Variants in NOL7 observed in about 807,000 individuals in gnomAD.
NOL7 encodes the protein nucleolar protein 7, also known as U3 small nucleolar RNA-associated protein NOL7.
NOL7 carries 36 observed loss-of-function variants against 38.4 expected under a neutral mutation model. The ratio of observed to expected loss-of-function variants is 0.94; its 90% confidence interval spans 0.72 to 1.24. NOL7 has a LOEUF of 1.24. NOL7 is among the 50% of genes most tolerant of loss of function. The pLI is 0.00. For missense variants in NOL7, 350 were observed against 315.1 expected (o/e 1.11, Z -0.84); for synonymous variants, 142 against 126.5 (o/e 1.12, Z -0.82).
chr6:13,617,384 C>G (rs1163063433), intron 3 of NOL7, among the ~76,000 whole-genome samples: 1 of 152,232 alleles, frequency 6.6e-6, no homozygotes, highest in Non-Finnish European at 1.5e-5. Flanking sequence ...TCTCCTGTGC[C>G]TAAACTATTA....
intron 3 of NOL7, among the ~76,000 whole-genome samples, chr6:13,617,539 C>CTAA (rs1476106938): frequency 6.6e-6 from 1 of 152,174 alleles, no homozygotes; most frequent in Non-Finnish European, 1.5e-5. Context: ...TGAAAGCCTG[C>CTAA]TAATAGGCTC....
intron 8 of NOL7, among the ~76,000 whole-genome samples, chr6:13,630,251 T>TA (rs1241816804): frequency 6.6e-6 from 1 of 152,108 alleles, no homozygotes; most frequent in Non-Finnish European, 1.5e-5. Flanking sequence ...GCTTAGAAGT[T>TA]AGAGGTGCAA....
chr6:13,620,331 T>A lies in NOL7; in HGVS notation c.622+2T>A. The stretch of plus-strand genomic sequence containing the variant: ...GGCCAGGAACCAACAGGACTACTGG[T>A]AATTTTTTTATGGACTATTTTTCTC... On this transcript the variant is annotated splice_donor_variant, in intron 6 of 7. Coordinates refer to ENST00000451315, the MANE Select transcript of NOL7 (RefSeq NM_016167.5). LOFTEE classifies it high-confidence loss of function. The A allele has an allele frequency of 1.2e-6, 2 of 1,613,910 alleles. No individual in the cohort carries two copies. The highest frequency in any genetic ancestry group is 2.7e-5 in the African/African-American group (2 of 74,978).
At chr6:13,623,400 G>A (rs1221461544), downstream of NOL7, among the ~76,000 whole-genome samples, 1 of 152,198 alleles carries the variant, frequency 6.6e-6, no homozygotes, top group Non-Finnish European at 1.5e-5. Context: ...CAATTTGATG[G>A]TGGAAGAAAG....
Position 13,617,807 on chromosome 6 carries a change from A to G in NOL7, c.418+6A>G, listed in dbSNP as rs1483566681. The G allele has an allele frequency of 2.5e-6, 4 of 1,612,866 alleles. No homozygotes were observed. Among genetic ancestry groups the G allele is most frequent in the Non-Finnish European group, 3.4e-6 (4 of 1,178,826 alleles). Reference sequence around the variant, plus strand: ...GCCAGGAAAGGTGAAAGAAGGTATGACTATTCTAATTTAACTAACTTCTCA... The same window carrying G: ...GCCAGGAAAGGTGAAAGAAGGTATGGCTATTCTAATTTAACTAACTTCTCA... On this transcript the variant is annotated splice_donor_region_variant and intron_variant, in intron 4 of 7. Coordinates refer to ENST00000451315, the MANE Select transcript of NOL7 (RefSeq NM_016167.5).
At chr6:13,620,376 A>C (rs1764409985) in intron 6 of NOL7, 32 bp from the exon 7 acceptor site, 1 of 1,613,790 alleles carries the variant, frequency 6.2e-7, no homozygotes, top group Admixed American at 1.7e-5. Context: ...TGCAAATAAA[A>C]CTGTGAAATG....
Position 13,620,995 on chromosome 6 carries a change from A to G in NOL7, c.*168A>G, listed in dbSNP as rs1764429008. The G allele has an allele frequency of 2.2e-6, 1 of 461,820 alleles. No individual in the cohort carries two copies. Among genetic ancestry groups the G allele is most frequent in the East Asian group, 3.5e-5 (1 of 28,904 alleles). The allele number at this position is 461,820 out of a possible 1,614,324, so 28.6% of individuals were successfully genotyped here. Reference sequence around the variant, plus strand: ...AACTGTGCCTTGCAATCCTAGAGGAAAAAGTGGTTTAAGAAGGAATTGTTT... The same window carrying G: ...AACTGTGCCTTGCAATCCTAGAGGAGAAAGTGGTTTAAGAAGGAATTGTTT... On this transcript the variant is annotated 3_prime_UTR_variant, in exon 8 of 8. Transcript: ENST00000451315.
rs1474446328 is a variant in NOL7, at chr6:13,615,720, C to T, written c.275C>T (p.Thr92Met). The T allele has an allele frequency of 3.1e-6, 5 of 1,614,232 alleles. No homozygotes were observed. Among genetic ancestry groups the T allele is most frequent in the Non-Finnish European group, 2.5e-6 (3 of 1,180,040 alleles). The change falls in exon 2 of 8, where the codon ACG becomes ATG. Residue 92 changes from threonine to methionine, a missense_variant. Transcript: ENST00000451315. Reference sequence around the variant, plus strand: ...ATCACCCTTCCTCCCAGGGATAAAACGCTCCTGAAGGAGAAGAGGAAGCGA... The same window carrying T: ...ATCACCCTTCCTCCCAGGGATAAAATGCTCCTGAAGGAGAAGAGGAAGCGA... ...RVRETVRRDK[T>M]LLKEKRKRRE... is the part of the protein sequence containing the mutation.
chr6:13,615,613 G>T lies in NOL7; in HGVS notation c.255G>T (p.Glu85Asp), dbSNP rs1466701761. 2 of 1,596,960 alleles carry T rather than the reference G, an allele frequency of 1.3e-6. No individual in the cohort carries two copies. Among genetic ancestry groups the T allele is most frequent in the South Asian group, 2.2e-5 (2 of 89,462 alleles). The change falls in exon 1 of 8, where the codon GAG becomes GAT. Residue 85 changes from glutamate to aspartate, a missense_variant. Physicochemically the swap from Glu to Asp is conservative, Grantham distance 45 (BLOSUM62 2). Transcript: ENST00000451315. ...EAREEERRVR[E>D]TVRRDKTLLK... ...GAGAAGAGGAGCGGCGAGTGCGGGA[G>T]ACCGTGCGCAGGTTCGGAGCCCGCT...
At chr6:13,623,668 G>A (rs1262962159), downstream of NOL7, among the ~76,000 whole-genome samples, 2 of 152,110 alleles carry the variant, frequency 1.3e-5, no homozygotes, top group African/African-American at 4.8e-5. Context: ...TTTTTTGGAT[G>A]TATGAAATTT....
At chr6:13,624,315 T>TC (rs1764538978), downstream of NOL7, among the ~76,000 whole-genome samples, 1 of 152,216 alleles carries the variant, frequency 6.6e-6, no homozygotes, top group African/African-American at 2.4e-5. Context: ...GTCCTGGCCC[T>TC]CATTGCAAGT....
chr6:13,632,118 C>CTTTTTTT (rs752500098), intron 8 of NOL7, among the ~76,000 whole-genome samples: 1 of 74,922 alleles, frequency 1.3e-5, no homozygotes, highest in Non-Finnish European at 2.6e-5. Context: ...GGATTTAATC[C>CTTTTTTT]TTTTTTTTTT....
chr6:13,617,241 A>G (rs1274481887), intron 3 of NOL7, among the ~76,000 whole-genome samples: 1 of 147,720 alleles, frequency 6.8e-6, no homozygotes, highest in Non-Finnish European at 1.5e-5. Flanking sequence ...TTACCTTCTC[A>G]TTTGCCCCCC....
chr6:13,625,370 T>C (rs954865648), downstream of NOL7, among the ~76,000 whole-genome samples: 1 of 152,142 alleles, frequency 6.6e-6, no homozygotes, highest in African/African-American at 2.4e-5. Context: ...ATGAGAGAAG[T>C]AGACATTCGT....
chr6:13,619,914 T>C (rs1052388891), intron 5 of NOL7, among the ~76,000 whole-genome samples: 1 of 152,206 alleles, frequency 6.6e-6, no homozygotes, highest in Non-Finnish European at 1.5e-5. Flanking sequence ...CCCAGCACTT[T>C]GGGAGGCCGA....
At chr6:13,624,348 A>C (rs12664567), downstream of NOL7, among the ~76,000 whole-genome samples, 76,984 of 152,030 alleles carry the variant, frequency 0.51, 20,513 homozygotes, top group Admixed American at 0.63. Flanking sequence ...ACTACTCTTT[A>C]ATCTACTTTT....
At chr6:13,616,027 C>T (rs961157106) in intron 2 of NOL7, among the ~76,000 whole-genome samples, 4 of 151,974 alleles carry the variant, frequency 2.6e-5, no homozygotes, top group Admixed American at 6.5e-5. Flanking sequence ...CAGAGCGAGA[C>T]CCTGTCTCAA....
At chr6:13,615,647 G>GGGAGAACC (rs1562289211) in intron 1 of NOL7, 23 bp downstream of exon 1, 1 of 1,611,586 alleles carries the variant, frequency 6.2e-7, no homozygotes, top group South Asian at 1.1e-5. Context: ...CTGCCCGGCG[G>GGGAGAACC]GGAGAACCGC....
intron 5 of NOL7, among the ~76,000 whole-genome samples, chr6:13,618,774 C>T (rs1484787039): frequency 1.3e-5 from 2 of 152,114 alleles, no homozygotes; most frequent in Non-Finnish European, 2.9e-5. Context: ...ACCTGTATTC[C>T]CAGCTACTCC....
Sources: gnomAD v4.1 joint callset for allele counts (sites outside exome capture counted in the v4.1 genomes callset) on GRCh38, gnomAD v4.1.1 for gene constraint, MANE v1.5 for transcripts, NCBI Gene and HGNC (gene_info 2026-07-23, HGNC 2026-07-21) for gene names.